The following TTF2 variants were observed in gnomAD, a reference collection of about 807,000 sequenced individuals.
The protein encoded by TTF2 is RNA polymerase II termination factor.
A neutral mutation model predicts 142.4 loss-of-function variants in TTF2; 108 were observed. The ratio of observed to expected loss-of-function variants is 0.76; its 90% CI spans 0.65 to 0.89. TTF2 has a LOEUF of 0.89. Ranked by LOEUF, TTF2 falls within the 40% of genes least tolerant of loss-of-function variation. TTF2 has a pLI of 0.00. For synonymous variants in TTF2, 483 were observed against 506.2 expected, an observed-to-expected ratio of 0.95 and a Z score of 0.61; for missense variants, 1,327 against 1,379.8, an observed-to-expected ratio of 0.96 and a Z score of 0.61.
At position 117,076,544 on chromosome 1, in the gene TTF2, G is replaced by T; in HGVS notation, c.1391-97G>T. 7.7e-7 allele frequency: 1 copy of T among 1,300,936 alleles called. No individual in the cohort carries two copies. The highest frequency in any genetic ancestry group is 2.3e-5 in the East Asian group (1 of 42,576). 80.6% of individuals were successfully genotyped at this position (1,300,936 alleles called of 1,614,324 possible). A position where few individuals can be genotyped will look rare whatever the true frequency, so the allele number is the denominator to read the frequency against. ...TTCTCTAGGAATCCTTCATCGGAAT[G>T]GTGATGATCCCTCTCTCTTGACCTC... On this transcript the variant is annotated intron_variant, in intron 6 of 22. Coordinates refer to ENST00000369466, the MANE Select transcript of TTF2 (RefSeq NM_003594.4). This position sits in a 1 kb window ranked among gnomAD's most constrained non-coding sequence, Gnocchi z 4.6.
At position 117,107,226 on chromosome 1, in the gene TTF2, C is replaced by T. The variant is rs1477924737; in HGVS notation, c.*5702C>T. 5.9e-5 allele frequency: 9 copies of T among 152,170 alleles called. No individual in the cohort carries two copies. The highest frequency in any genetic ancestry group is 1.3e-4 in the Non-Finnish European group (9 of 68,036). 9.4% of individuals were successfully genotyped at this position (152,170 alleles called of 1,614,324 possible). A position where few individuals can be genotyped will look rare whatever the true frequency, so the allele number is the denominator to read the frequency against. On this transcript the variant is annotated 3_prime_UTR_variant, in exon 23 of 23. Coordinates refer to ENST00000369466, the MANE Select transcript of TTF2 (RefSeq NM_003594.4). Reference sequence around the variant, plus strand: ...AGCTCAGTTAAATTGAGTTTGGACTCCACTGTAGTGCATGCATGAGACAGC... The same window carrying T: ...AGCTCAGTTAAATTGAGTTTGGACTTCACTGTAGTGCATGCATGAGACAGC...
At chr1:117,077,492 G>A (rs1020118446) in intron 7 of TTF2, among the ~76,000 whole-genome samples, 6 of 152,134 alleles carry the variant, frequency 3.9e-5, no homozygotes, top group African/African-American at 1.4e-4. Context: ...ATTCTTTCGT[G>A]TGTGTGTAAG....
At chr1:117,065,306 T>A (rs1042228412) in intron 3 of TTF2, among the ~76,000 whole-genome samples, 3 of 152,208 alleles carry the variant, frequency 2.0e-5, no homozygotes, top group Admixed American at 6.5e-5. Flanking sequence ...ATGTAGTGCA[T>A]TTATTTATGA....
Position 117,079,801 on chromosome 1 carries a change from G to C in TTF2, c.1783+152G>C. On this transcript the variant is annotated intron_variant, in intron 9 of 22. Transcript: ENST00000369466. The surrounding 1 kb of genome is among the most constrained non-coding windows in gnomAD (Gnocchi z 4.2). ...GATGATGAAAGTGAAGCATGGAAGT[G>C]TTAAGCAACTTGCTCAAGAATACAC... is the stretch of plus-strand genomic sequence containing the variant. 1.3e-6 allele frequency: 1 copy of C among 773,600 alleles called. No homozygotes were observed. The highest frequency in any genetic ancestry group is 2.1e-6 in the Non-Finnish European group (1 of 472,740). The allele number at this position is 773,600 out of a possible 1,614,324, so 47.9% of individuals were successfully genotyped here. A position where few individuals can be genotyped will look rare whatever the true frequency, so the allele number is the denominator to read the frequency against.
rs767382865 is a variant in TTF2 at position 117,091,920 on chromosome 1, G to A, written c.2775G>A (p.Gln925=). The A allele has an allele frequency of 6.2e-7, 1 of 1,613,024 alleles. No homozygotes were observed. The highest frequency in any genetic ancestry group is 8.5e-7 in the Non-Finnish European group (1 of 1,179,786). The stretch of plus-strand genomic sequence containing the variant: ...TGTCCCAGTTGCTGAGACTCCGCCA[G>A]TGTTGCTGTCATCTTTCTTTACTGA... ...HILSQLLRLR[Q]CCCHLSLLKS... Residue 925 remains glutamine (Q), a synonymous_variant, in exon 17 of 23, where the codon CAG becomes CAA. Transcript: ENST00000369466.
In TTF2 at chr1:117,101,611, C is replaced by T. The variant is rs536365682; in HGVS notation, c.*87C>T. On this transcript the variant is annotated 3_prime_UTR_variant, in exon 23 of 23. Coordinates refer to ENST00000369466, the MANE Select transcript of TTF2 (RefSeq NM_003594.4). The surrounding 1 kb of genome is among the most constrained non-coding windows in gnomAD (Gnocchi z 5.9). ...ACAACCTAACCATGAGCCTTGAACTCTGTTCTTTGCATTTCAATTTCACCG... is the reference window on the plus strand; with the variant it reads ...ACAACCTAACCATGAGCCTTGAACTTTGTTCTTTGCATTTCAATTTCACCG... 7.5e-7 allele frequency: 1 copy of T among 1,327,856 alleles called. No homozygotes were observed. The highest frequency in any genetic ancestry group is 1.5e-5 in the African/African-American group (1 of 67,154). 82.3% of individuals were successfully genotyped at this position (1,327,856 alleles called of 1,614,324 possible).
intron 11 of TTF2, among the ~76,000 whole-genome samples, chr1:117,084,960 T>C (rs1383661203): frequency 6.6e-6 from 1 of 152,164 alleles, no homozygotes; most frequent in African/African-American, 2.4e-5. Flanking sequence ...ACAGGCCAGT[T>C]CTCATGACTG....
At chr1:117,069,703 G>C (rs1405263025) in intron 3 of TTF2, among the ~76,000 whole-genome samples, 1 of 152,210 alleles carries the variant, frequency 6.6e-6, no homozygotes, top group Non-Finnish European at 1.5e-5. Context: ...AGGTGGTAGG[G>C]CTGGGATTTG....
rs1649851837 is a variant in TTF2, at chr1:117,105,174, G to C, written c.*3650G>C. 1 of 152,214 alleles carries C rather than the reference G, an allele frequency of 6.6e-6. No individual in the cohort carries two copies. Among genetic ancestry groups the C allele is most frequent in the African/African-American group, 2.4e-5 (1 of 41,446 alleles). 9.4% of individuals were successfully genotyped at this position (152,214 alleles called of 1,614,324 possible). A position where few individuals can be genotyped will look rare whatever the true frequency, so the allele number is the denominator to read the frequency against. On this transcript the variant is annotated 3_prime_UTR_variant, in exon 23 of 23. Coordinates refer to ENST00000369466, the MANE Select transcript of TTF2 (RefSeq NM_003594.4). This position sits in a 1 kb window ranked among gnomAD's most constrained non-coding sequence, Gnocchi z 4.7. ...GGGCCACACAAGTGCTAGTGTTATT[G>C]CTGTGGGACAAGGTCTGGGAATATG...
intron 7 of TTF2, among the ~76,000 whole-genome samples, chr1:117,077,414 T>G (rs1048828339): frequency 2.0e-5 from 3 of 152,210 alleles, no homozygotes; most frequent in Non-Finnish European, 4.4e-5. Context: ...AGTCATCCAG[T>G]CAGCATTTGT....
intron 3 of TTF2, among the ~76,000 whole-genome samples, chr1:117,068,408 A>T (rs1570798208): frequency 2.0e-5 from 3 of 151,768 alleles, no homozygotes. Flanking sequence ...GTTGGGGGAG[A>T]GGGGAGGGAT....
At chr1:117,094,772 A>T (rs772255402) in intron 18 of TTF2, 3 of 397,528 alleles carry the variant, frequency 7.5e-6, no homozygotes, top group Non-Finnish European at 1.5e-5. Flanking sequence ...GCAAGAGATA[A>T]TAAGCAATTA....
In TTF2 at chr1:117,073,836, T is replaced by G. The variant is rs1656778624; in HGVS notation, c.285+109T>G. On this transcript the variant is annotated intron_variant, in intron 4 of 22. Coordinates refer to ENST00000369466, the MANE Select transcript of TTF2 (RefSeq NM_003594.4). The surrounding 1 kb of genome is among the most constrained non-coding windows in gnomAD (Gnocchi z 4.4). ...GTAAATGAGTTGGTCTTCATCAGAC[T>G]GTCTCCGAAAGATAGTTTTCTTTAA... is the stretch of plus-strand genomic sequence containing the variant. 2 of 987,046 alleles carry G rather than the reference T, an allele frequency of 2.0e-6. No individual in the cohort carries two copies. The highest frequency in any genetic ancestry group is 2.9e-6 in the Non-Finnish European group (2 of 680,076). 61.1% of individuals were successfully genotyped at this position (987,046 alleles called of 1,614,324 possible).
At chr1:117,069,887 G>A (rs917735520) in intron 3 of TTF2, among the ~76,000 whole-genome samples, 1 of 152,176 alleles carries the variant, frequency 6.6e-6, no homozygotes, top group Non-Finnish European at 1.5e-5. Context: ...TCCCTTCATC[G>A]TTATTGCCTA....
Position 117,092,277 on chromosome 1 carries a change from A to G in TTF2, c.2805+327A>G, listed in dbSNP as rs1648663477. The stretch of plus-strand genomic sequence containing the variant: ...ATGCTCTGGTACTTCAGAATGTCAT[A>G]AAGCTAATTTAGTTCTTGGGGTTTT... On this transcript the variant is annotated intron_variant, in intron 17 of 22. Coordinates refer to ENST00000369466, the MANE Select transcript of TTF2 (RefSeq NM_003594.4). This position sits in a 1 kb window ranked among gnomAD's most constrained non-coding sequence, Gnocchi z 4.4. Among the ~76,000 whole-genome samples, 1 of 152,212 alleles carries G rather than the reference A, an allele frequency of 6.6e-6. No individual in the cohort carries two copies. The highest frequency in any genetic ancestry group is 1.5e-5 in the Non-Finnish European group (1 of 68,034).
chr1:117,062,308 C>A, intron 2 of TTF2, 79 bp from the exon 3 acceptor site: 1 of 1,335,604 alleles, frequency 7.5e-7, no homozygotes, highest in South Asian at 1.3e-5. Context: ...GTGTAAAAAC[C>A]CATAGTTTTG....
In TTF2 at chr1:117,091,332, G is replaced by T. The variant is rs1366300103; in HGVS notation, c.2593G>T (p.Ala865Ser). 4.3e-6 allele frequency: 7 copies of T among 1,610,218 alleles called. No individual in the cohort carries two copies. In the African/African-American group the frequency reaches 9.4e-5, roughly 22 times the overall value. ...YNVFFARSRS[A>S]LQSYLKRHES... ...TTTCTTTTTAATCTGAGGCAGGTCA[G>T]CTCTGCAATCCTATCTAAAAAGACA... The change falls in exon 16 of 23, where the codon GCT becomes TCT. Residue 865 changes from alanine to serine, a missense_variant. By Grantham distance (99) the Ala-to-Ser change is moderately conservative. Transcript: ENST00000369466.
Position 117,081,836 on chromosome 1 carries a change from A to T in TTF2, c.1792A>T (p.Met598Leu). Residue 598 changes from methionine (M) to leucine (L), a missense_variant, in exon 10 of 23, where the codon ATG (methionine) becomes TTG (leucine). Coordinates refer to ENST00000369466, the MANE Select transcript of TTF2 (RefSeq NM_003594.4). ...KPQGGILADD[M>L]GLGKTLTMIA... ...TTGCTTTTATTTTCTAGCAGATGAT[A>T]TGGGCTTAGGAAAAACCCTGACAAT... The T allele has an allele frequency of 1.9e-6, 3 of 1,613,484 alleles. No homozygotes were observed. Among genetic ancestry groups the T allele is most frequent in the Non-Finnish European group, 2.5e-6 (3 of 1,179,822 alleles).
chr1:117,083,299 C>T (rs1647701159), intron 10 of TTF2, among the ~76,000 whole-genome samples: 1 of 151,430 alleles, frequency 6.6e-6, no homozygotes, highest in Non-Finnish European at 1.5e-5. Context: ...CTAATGAGCA[C>T]TGTTGCAGCT....
Sources: gnomAD v4.1 joint callset for allele counts (sites outside exome capture counted in the v4.1 genomes callset) on GRCh38, gnomAD v4.1.1 for gene constraint, Gnocchi (gnomAD v3.1) non-coding constraint, MANE v1.5 for transcripts, NCBI Gene and HGNC (gene_info 2026-07-23, HGNC 2026-07-21) for gene names.